MACROD2: variants seen among roughly 807,000 people sequenced by gnomAD.
MACROD2 encodes ADP-ribose glycohydrolase MACROD2.
A neutral mutation model predicts 70.4 loss-of-function variants in MACROD2; 36 were observed. That is an observed-to-expected ratio of 0.51 (90% CI 0.39 to 0.68). The LOEUF (loss-of-function observed/expected upper bound fraction) is 0.68, where lower values mean the gene tolerates loss of function less well. Among genes scored for constraint, MACROD2 ranks in the 30% least tolerant of loss-of-function variants. The pLI, the probability that MACROD2 is intolerant of heterozygous loss-of-function variation, is 0.00. For missense variants in MACROD2, 496 were observed against 538.4 expected (o/e 0.92, Z 0.78); for synonymous variants, 172 against 178.8 (o/e 0.96, Z 0.30).
intron 3 of MACROD2, among the ~76,000 whole-genome samples, chr20:14,159,125 C>G (rs1359804985): frequency 6.6e-6 from 1 of 152,032 alleles, no homozygotes. Context: ...GTAATCCCAG[C>G]TACTTGGGAG....
chr20:14,753,137 G>A (rs1477038460), intron 5 of MACROD2, among the ~76,000 whole-genome samples: 5 of 152,020 alleles, frequency 3.3e-5, no homozygotes, highest in African/African-American at 4.8e-5. Context: ...CCTCATTCCT[G>A]TGACAGAAAA....
At chr20:14,681,710 A>G (rs1183112927) in intron 4 of MACROD2, among the ~76,000 whole-genome samples, 1 of 152,200 alleles carries the variant, frequency 6.6e-6, no homozygotes, top group East Asian at 1.9e-4. Flanking sequence ...AAAACTGCAC[A>G]CTTAAAATCT....
chr20:14,705,602 G>A (rs2071259531), intron 5 of MACROD2, among the ~76,000 whole-genome samples: 1 of 152,124 alleles, frequency 6.6e-6, no homozygotes, highest in Non-Finnish European at 1.5e-5. Flanking sequence ...TTTTATGGGA[G>A]TAATATAAAG....
chr20:15,649,033 T>A (rs1326453368), intron 8 of MACROD2, among the ~76,000 whole-genome samples: 1 of 151,108 alleles, frequency 6.6e-6, no homozygotes, highest in Non-Finnish European at 1.5e-5. Context: ...TGGAACTGGA[T>A]CTGTTTCTTT....
At chr20:14,585,594 A>G (rs1230763680) in intron 4 of MACROD2, among the ~76,000 whole-genome samples, 5 of 152,118 alleles carry the variant, frequency 3.3e-5, no homozygotes, top group African/African-American at 1.2e-4. Context: ...TAAGATATTT[A>G]TTGTATATAT....
chr20:15,903,838 C>G (rs2065102061), intron 10 of MACROD2, among the ~76,000 whole-genome samples: 1 of 152,118 alleles, frequency 6.6e-6, no homozygotes, highest in Non-Finnish European at 1.5e-5. Flanking sequence ...TTTATTGGAG[C>G]AAGGGATACT....
At chr20:14,431,360 T>C (rs1325434184) in intron 3 of MACROD2, among the ~76,000 whole-genome samples, 1 of 151,924 alleles carries the variant, frequency 6.6e-6, no homozygotes, top group Non-Finnish European at 1.5e-5. Flanking sequence ...TGCTGTAGGG[T>C]GGGATGGAGC....
intron 2 of MACROD2, among the ~76,000 whole-genome samples, chr20:14,004,807 G>T (rs1468535661): frequency 6.6e-6 from 1 of 152,018 alleles, no homozygotes; most frequent in East Asian, 1.9e-4. Flanking sequence ...AGTATTAAAA[G>T]AATTCTATAA....
chr20:15,267,975 C>A (rs1007413153), intron 6 of MACROD2, among the ~76,000 whole-genome samples: 1 of 152,176 alleles, frequency 6.6e-6, no homozygotes, highest in Non-Finnish European at 1.5e-5. Context: ...TGTGTGTCCA[C>A]GAACCTAATC....
intron 10 of MACROD2, among the ~76,000 whole-genome samples, chr20:15,930,279 C>A (rs748239519): frequency 6.6e-6 from 1 of 152,150 alleles, no homozygotes; most frequent in Non-Finnish European, 1.5e-5. Flanking sequence ...CAAAGACTTA[C>A]GGGTAACTGT....
intron 8 of MACROD2, among the ~76,000 whole-genome samples, chr20:15,519,055 T>TTTCTTTCC (rs2047608667): frequency 1.7e-5 from 2 of 116,340 alleles, no homozygotes; most frequent in African/African-American, 6.4e-5. Flanking sequence ...TAACTCGCTC[T>TTTCTTTCC]TTCCTTCCTT....
At chr20:15,294,148 A>G (rs1462299178) in intron 6 of MACROD2, among the ~76,000 whole-genome samples, 3 of 148,410 alleles carry the variant, frequency 2.0e-5, no homozygotes, top group East Asian at 3.9e-4. Context: ...AAAATTCAGG[A>G]GTTTTTATAT....
At chr20:15,870,378 G>A (rs1008118225) in intron 9 of MACROD2, among the ~76,000 whole-genome samples, 1 of 151,914 alleles carries the variant, frequency 6.6e-6, no homozygotes, top group African/African-American at 2.4e-5. Context: ...ATATATAGTA[G>A]GTGTTTATTA....
intron 10 of MACROD2, among the ~76,000 whole-genome samples, chr20:15,917,506 G>C (rs1305888637): frequency 6.6e-6 from 1 of 152,168 alleles, no homozygotes; most frequent in African/African-American, 2.4e-5. Flanking sequence ...CACCACACAG[G>C]CTTTCTATGG....
At chr20:15,208,296 G>C (rs1309012597) in intron 5 of MACROD2, among the ~76,000 whole-genome samples, 1 of 151,856 alleles carries the variant, frequency 6.6e-6, no homozygotes, top group African/African-American at 2.4e-5. Context: ...TCTCTTCTTT[G>C]CTGAGACTTT....
chr20:15,631,425 G>C (rs2049289077), intron 8 of MACROD2, among the ~76,000 whole-genome samples: 1 of 151,942 alleles, frequency 6.6e-6, no homozygotes, highest in African/African-American at 2.4e-5. Context: ...TTTCATCTTG[G>C]AAAGATTATT....
At chr20:15,975,064 A>T (rs184628689) in intron 13 of MACROD2, among the ~76,000 whole-genome samples, 1 of 152,154 alleles carries the variant, frequency 6.6e-6, no homozygotes, top group African/African-American at 2.4e-5. Flanking sequence ...GTAAGAAAAA[A>T]CATAAACAAT....
At chr20:14,577,512 CT>C (rs1980675934) in intron 4 of MACROD2, among the ~76,000 whole-genome samples, 1 of 152,130 alleles carries the variant, frequency 6.6e-6, no homozygotes, top group East Asian at 1.9e-4. Flanking sequence ...GATGTGGTGG[CT>C]CACGCCTGTG....
intron 3 of MACROD2, among the ~76,000 whole-genome samples, chr20:14,093,669 A>T (rs199829931): frequency 7.3e-3 from 3 of 410 alleles, no homozygotes; most frequent in East Asian, 0.071. Flanking sequence ...CTCATTTGAC[A>T]AAAAAAAAAA....
Sources: gnomAD v4.1 joint callset for allele counts (sites outside exome capture counted in the v4.1 genomes callset) on GRCh38, gnomAD v4.1.1 for gene constraint, MANE v1.5 for transcripts, NCBI Gene and HGNC (gene_info 2026-07-23, HGNC 2026-07-21) for gene names.